Variants in RBFOX1 observed in about 807,000 individuals in gnomAD.
RBFOX1 encodes RNA binding protein fox-1 homolog 1.
In RBFOX1, 8 loss-of-function variants were observed where a neutral mutation model predicts 57.7. That is an observed-to-expected ratio of 0.14 (90% CI 0.08 to 0.25). The LOEUF (loss-of-function observed/expected upper bound fraction) is 0.25. Ranked by LOEUF, RBFOX1 falls within the 10% of genes least tolerant of loss-of-function variation. The pLI is 1.00. For synonymous variants in RBFOX1, 326 were observed against 222.4 expected, an observed-to-expected ratio of 1.47 and a Z score of -4.15; for missense variants, 611 against 548.5, an observed-to-expected ratio of 1.11 and a Z score of -1.14.
At chr16:5,509,643 C>T (rs1294978441) in intron 2 of RBFOX1, among the ~76,000 whole-genome samples, 1 of 152,176 alleles carries the variant, frequency 6.6e-6, no homozygotes, top group Non-Finnish European at 1.5e-5. Context: ...AAGGCATTTC[C>T]AGTATCACCA....
intron 4 of RBFOX1, among the ~76,000 whole-genome samples, chr16:7,053,294 A>G (rs2050742231): frequency 6.6e-6 from 1 of 152,088 alleles, no homozygotes; most frequent in Admixed American, 6.5e-5. Context: ...GGCCCTCTCT[A>G]CCCACTTTCC....
chr16:6,902,318 AT>A (rs2068690992), intron 3 of RBFOX1, among the ~76,000 whole-genome samples: 1 of 152,160 alleles, frequency 6.6e-6, no homozygotes, highest in South Asian at 2.1e-4. Flanking sequence ...CTCTTACTTG[AT>A]ATGGGTTTCA....
rs563333133 is a variant in RBFOX1, at chr16:7,196,392, C to T, written c.27+144294C>T. Among the ~76,000 whole-genome samples the T allele has an allele frequency of 3.0e-4, 45 of 152,286 alleles. No individual in the cohort carries two copies. The Middle Eastern group carries it at 0.01, about 35-fold the overall frequency. On this transcript the variant is annotated intron_variant, in intron 4 of 15. Coordinates refer to ENST00000550418, the MANE Select transcript of RBFOX1 (RefSeq NM_018723.4). ...CCCCTCTCCCCAGCCCCATTTGCCA[C>T]TGACTTGCTTAGCAGCACAAAATCA...
intron 4 of RBFOX1, among the ~76,000 whole-genome samples, chr16:7,140,160 C>G (rs1354663725): frequency 1.1e-5 from 1 of 87,454 alleles, no homozygotes; most frequent in East Asian, 4.2e-4. Flanking sequence ...TTCTCTCCCT[C>G]TCTCTCTCTC....
chr16:6,532,345 G>A (rs1008325381), intron 2 of RBFOX1, among the ~76,000 whole-genome samples: 6 of 152,142 alleles, frequency 3.9e-5, no homozygotes, highest in African/African-American at 1.4e-4. Flanking sequence ...CATAGAGAAG[G>A]TCGATTTCTA....
chr16:6,646,269 T>G (rs1030499232), intron 2 of RBFOX1, among the ~76,000 whole-genome samples: 3 of 152,128 alleles, frequency 2.0e-5, no homozygotes, highest in Non-Finnish European at 4.4e-5. Flanking sequence ...TTTTTCCAAT[T>G]TGAGTCCAGC....
chr16:6,798,015 A>G (rs929963780), intron 3 of RBFOX1, among the ~76,000 whole-genome samples: 2 of 152,108 alleles, frequency 1.3e-5, no homozygotes, highest in Admixed American at 1.3e-4. Context: ...GATGATGATG[A>G]TGATGATGGT....
chr16:5,265,187 G>T (rs1398609860), intron 1 of RBFOX1, among the ~76,000 whole-genome samples: 1 of 152,162 alleles, frequency 6.6e-6, no homozygotes, highest in Non-Finnish European at 1.5e-5. Context: ...TAAAGACCAG[G>T]TTATTTTATC....
At position 7,518,225 on chromosome 16, in the gene RBFOX1, G is replaced by T; in HGVS notation, c.106G>T (p.Gly36Cys). ...ASAQFAPPQN[G>C]IPAEYTAPHP... ...GGCCCAGTTTGCTCCCCCGCAGAAC[G>T]GTATCCCCGCGGAATACACGGCCCC... is the stretch of plus-strand genomic sequence containing the variant. The change falls in exon 5 of 16, where the codon GGT becomes TGT. Residue 36 changes from glycine to cysteine, a missense_variant. Gly to Cys is a radical substitution (Grantham distance 159). This residue lies in a region of RBFOX1 where 245 missense variants were observed against 159.1 expected (regional missense o/e 1.54). Coordinates refer to ENST00000550418, the MANE Select transcript of RBFOX1 (RefSeq NM_018723.4). 1 of 1,613,952 alleles carries T rather than the reference G, an allele frequency of 6.2e-7. No homozygotes were observed. The highest frequency in any genetic ancestry group is 8.5e-7 in the Non-Finnish European group (1 of 1,179,992).
At chr16:5,853,316 A>G (rs7200256) in intron 3 of RBFOX1, among the ~76,000 whole-genome samples, 47,848 of 152,088 alleles carry the variant, frequency 0.31, 7,756 homozygotes, top group Admixed American at 0.37. Flanking sequence ...ATGGAAAGTC[A>G]GAAGAGATTG....
At chr16:7,245,845 A>G (rs527852447) in intron 4 of RBFOX1, among the ~76,000 whole-genome samples, 56 of 152,238 alleles carry the variant, frequency 3.7e-4, no homozygotes, top group South Asian at 8.3e-4. Flanking sequence ...CAAATTACCA[A>G]TTACTTTCCC....
chr16:5,560,577 C>T (rs995511907), intron 2 of RBFOX1, among the ~76,000 whole-genome samples: 3 of 152,222 alleles, frequency 2.0e-5, no homozygotes, highest in African/African-American at 7.2e-5. Context: ...TGTACAAGGT[C>T]AAATGTGGTG....
At chr16:6,098,191 C>T (rs1418333025) in intron 1 of RBFOX1, among the ~76,000 whole-genome samples, 2 of 152,220 alleles carry the variant, frequency 1.3e-5, no homozygotes, top group Admixed American at 6.5e-5. Flanking sequence ...ATCTTCCCCA[C>T]CCTGGGAGGG....
rs2096817214 is a variant in RBFOX1 at position 6,541,445 on chromosome 16, G to A, written c.-63-113158G>A. ...CTCACATGGAGTTGGTCACAGTGCA[G>A]GGATCAGACAGTGAATAGGTAAGTC... On this transcript the variant is annotated intron_variant, in intron 2 of 15. Coordinates refer to ENST00000550418, the MANE Select transcript of RBFOX1 (RefSeq NM_018723.4). Among the ~76,000 whole-genome samples, 3 of 152,198 alleles carry A rather than the reference G, an allele frequency of 2.0e-5. No individual in the cohort carries two copies. In the East Asian group the frequency reaches 5.8e-4, roughly 29 times the overall value.
chr16:7,322,969 G>A (rs919497915), intron 4 of RBFOX1, among the ~76,000 whole-genome samples: 3 of 152,132 alleles, frequency 2.0e-5, no homozygotes, highest in Admixed American at 2.0e-4. Context: ...ACTCAGTGGT[G>A]GGTGGTGTAG....
intron 4 of RBFOX1, among the ~76,000 whole-genome samples, chr16:7,447,109 G>A (rs1042944007): frequency 7.2e-5 from 11 of 151,972 alleles, no homozygotes; most frequent in African/African-American, 2.2e-4. Flanking sequence ...ACTGTCCTCG[G>A]CCTCAAGGTA....
Position 6,933,567 on chromosome 16 carries a change from T to C in RBFOX1, c.-15-118490T>C, listed in dbSNP as rs375671492. Among the ~76,000 whole-genome samples, 35 of 152,232 alleles carry C rather than the reference T, an allele frequency of 2.3e-4. 2 individuals are homozygous for C. The East Asian group carries it at 3.3e-3, about 14-fold the overall frequency. ...TTCTCTACTAAAAATGCAAAAATTA[T>C]CCAGGTGTGGTGGCAAGCACCTGTC... On this transcript the variant is annotated intron_variant, in intron 3 of 15. Transcript: ENST00000550418.
intron 3 of RBFOX1, among the ~76,000 whole-genome samples, chr16:6,732,199 T>A (rs2068791822): frequency 6.6e-6 from 1 of 152,338 alleles, no homozygotes; most frequent in East Asian, 1.9e-4. Context: ...CCCTGCTTAC[T>A]CACAGTTGCT....
intron 4 of RBFOX1, among the ~76,000 whole-genome samples, chr16:7,316,234 A>G (rs76619242): frequency 0.026 from 3,951 of 152,322 alleles, 107 homozygotes; most frequent in African/African-American, 0.067. Context: ...AGCAGTTACT[A>G]TATTACATAA....
Sources: gnomAD v4.1 joint callset for allele counts (sites outside exome capture counted in the v4.1 genomes callset) on GRCh38, gnomAD v4.1.1 for gene constraint, gnomAD v4.1.1 regional missense constraint, MANE v1.5 for transcripts, NCBI Gene and HGNC (gene_info 2026-07-23, HGNC 2026-07-21) for gene names.